The following SLC1A2 variants were observed in gnomAD, a reference collection of about 807,000 sequenced individuals.
SLC1A2 encodes the protein solute carrier family 1 member 2, also known as excitatory amino acid transporter 2.
Under a neutral mutation model 48.8 loss-of-function variants are expected in SLC1A2, and 15 were observed. The ratio of observed to expected loss-of-function variants is 0.31; its 90% CI spans 0.21 to 0.47. The LOEUF is 0.47. Among genes scored for constraint, SLC1A2 ranks in the 20% least tolerant of loss-of-function variants. The pLI is 0.99. For synonymous variants in SLC1A2, 279 were observed against 272.6 expected, an observed-to-expected ratio of 1.02 and a Z score of -0.23; for missense variants, 502 against 730.5, an observed-to-expected ratio of 0.69 and a Z score of 3.61.
At chr11:35,326,633 G>A (rs1240005150) in intron 1 of SLC1A2, among the ~76,000 whole-genome samples, 3 of 152,186 alleles carry the variant, frequency 2.0e-5, no homozygotes, top group African/African-American at 7.2e-5. Flanking sequence ...AGGCAATGTA[G>A]CATCAATCCC....
At chr11:35,265,893 T>C (rs775493841) in intron 9 of SLC1A2, 135 bp from the exon 10 acceptor site, 17 of 611,360 alleles carry the variant, frequency 2.8e-5, no homozygotes, top group Non-Finnish European at 4.9e-5. Flanking sequence ...TTGGGGCAAG[T>C]TACTTAACTT....
chr11:35,328,224 C>A (rs934274701), intron 1 of SLC1A2, among the ~76,000 whole-genome samples: 1 of 152,180 alleles, frequency 6.6e-6, no homozygotes, highest in Non-Finnish European at 1.5e-5. Context: ...CCCACTGACT[C>A]AGCCAGCACT....
At chr11:35,342,787 CA>C (rs1852889361) in intron 1 of SLC1A2, among the ~76,000 whole-genome samples, 2 of 92,972 alleles carry the variant, frequency 2.2e-5, no homozygotes, top group African/African-American at 8.3e-5. Flanking sequence ...GACCTTGTCT[CA>C]AAAAAATAAA....
At chr11:35,394,329 G>C (rs1219312743) in intron 1 of SLC1A2, among the ~76,000 whole-genome samples, 1 of 152,082 alleles carries the variant, frequency 6.6e-6, no homozygotes, top group South Asian at 2.1e-4. Context: ...TCACCACCGG[G>C]ATCTGCCCCA....
Position 35,260,853 on chromosome 11 carries a change from C to G in SLC1A2, c.*41G>C. Reference sequence around the variant, plus strand: ...TTATATCATCAGTTACCATAGGATACGCTGGGGAGTTTATTCAAGAATTTG... The same window carrying G: ...TTATATCATCAGTTACCATAGGATAGGCTGGGGAGTTTATTCAAGAATTTG... On this transcript the variant is annotated 3_prime_UTR_variant, in exon 11 of 11. Transcript: ENST00000278379. The G allele has an allele frequency of 1.5e-6, 2 of 1,343,194 alleles. No individual in the cohort carries two copies. The highest frequency in any genetic ancestry group is 2.1e-6 in the Non-Finnish European group (2 of 932,924). The allele number at this position is 1,343,194 out of a possible 1,614,324, so 83.2% of individuals were successfully genotyped here.
chr11:35,404,698 G>A (rs1351450472), intron 1 of SLC1A2, among the ~76,000 whole-genome samples: 1 of 152,122 alleles, frequency 6.6e-6, no homozygotes. Context: ...AATTGTTCCC[G>A]GTCTGTCTGA....
chr11:35,411,609 C>T (rs1296925298), intron 1 of SLC1A2, among the ~76,000 whole-genome samples: 3 of 152,204 alleles, frequency 2.0e-5, no homozygotes, highest in African/African-American at 7.2e-5. Context: ...GTGCACACCA[C>T]TATGCCCAGC....
intron 9 of SLC1A2, among the ~76,000 whole-genome samples, chr11:35,274,500 G>T (rs74746345): frequency 0.012 from 1,852 of 152,294 alleles, 13 homozygotes; most frequent in Non-Finnish European, 0.018. Context: ...CAAAGAAAAG[G>T]TTAACGTAGG....
At chr11:35,329,953 C>CTAT (rs1852377128) in intron 1 of SLC1A2, among the ~76,000 whole-genome samples, 1 of 152,152 alleles carries the variant, frequency 6.6e-6, no homozygotes, top group African/African-American at 2.4e-5. Context: ...AAGATAGCTA[C>CTAT]TATTATTAGT....
chr11:35,290,459 A>G (rs1359513797), intron 7 of SLC1A2, among the ~76,000 whole-genome samples: 1 of 152,162 alleles, frequency 6.6e-6, no homozygotes, highest in Non-Finnish European at 1.5e-5. Flanking sequence ...AACAATATAT[A>G]CATACATAGT....
At chr11:35,409,637 G>A (rs181501413) in intron 1 of SLC1A2, among the ~76,000 whole-genome samples, 218 of 152,282 alleles carry the variant, frequency 1.4e-3, no homozygotes, top group African/African-American at 4.9e-3. Context: ...GGCTAGGCAT[G>A]GTGGTTCACG....
At chr11:35,412,771 AT>A (rs1855500326) in intron 1 of SLC1A2, among the ~76,000 whole-genome samples, 1 of 152,242 alleles carries the variant, frequency 6.6e-6, no homozygotes, top group Admixed American at 6.5e-5. Flanking sequence ...GCTCAGCTAC[AT>A]TTGCCACTAC....
intron 8 of SLC1A2, chr11:35,285,460 T>C (rs1850786242): frequency 6.6e-6 from 1 of 152,260 alleles, no homozygotes; most frequent in Admixed American, 6.5e-5. Flanking sequence ...ATTCATTTCC[T>C]AAAGTGAATC....
At chr11:35,383,764 C>T (rs1227587654) in intron 1 of SLC1A2, among the ~76,000 whole-genome samples, 1 of 152,172 alleles carries the variant, frequency 6.6e-6, no homozygotes, top group Non-Finnish European at 1.5e-5. Context: ...TCTCTGTATT[C>T]CCAGCACCTC....
intron 1 of SLC1A2, among the ~76,000 whole-genome samples, chr11:35,392,783 A>C (rs1253112580): frequency 6.6e-6 from 1 of 152,214 alleles, no homozygotes; most frequent in East Asian, 1.9e-4. Flanking sequence ...TCAGCAGTGC[A>C]TGTGTATGCT....
intron 1 of SLC1A2, among the ~76,000 whole-genome samples, chr11:35,345,277 G>A (rs923606646): frequency 6.6e-6 from 1 of 152,160 alleles, no homozygotes; most frequent in African/African-American, 2.4e-5. Context: ...AAAACGTGCA[G>A]ACCTTGCTCC....
At chr11:35,296,202 A>G (rs1434095128) in intron 6 of SLC1A2, among the ~76,000 whole-genome samples, 1 of 152,206 alleles carries the variant, frequency 6.6e-6, no homozygotes, top group Admixed American at 6.5e-5. Context: ...CAGGCCTGGG[A>G]CAGATGATGA....
intron 1 of SLC1A2, among the ~76,000 whole-genome samples, chr11:35,354,309 A>G (rs1335684790): frequency 6.6e-6 from 1 of 152,028 alleles, no homozygotes; most frequent in Non-Finnish European, 1.5e-5. Context: ...TTTTTTTTTA[A>G]ATTAGCCAGG....
At chr11:35,267,014 A>G (rs1186412084) in intron 9 of SLC1A2, among the ~76,000 whole-genome samples, 1 of 152,196 alleles carries the variant, frequency 6.6e-6, no homozygotes, top group Non-Finnish European at 1.5e-5. Context: ...AAAAAATATG[A>G]TCAGAGCTGG....
Sources: gnomAD v4.1 joint callset for allele counts (sites outside exome capture counted in the v4.1 genomes callset) on GRCh38, gnomAD v4.1.1 for gene constraint, MANE v1.5 for transcripts, NCBI Gene and HGNC (gene_info 2026-07-23, HGNC 2026-07-21) for gene names.